The following NTRK2 variants were observed in gnomAD, a reference collection of about 807,000 sequenced individuals.
NTRK2 encodes the protein neurotrophic receptor tyrosine kinase 2, also known as BDNF/NT-3 growth factors receptor.
Under a neutral mutation model 94.5 loss-of-function variants are expected in NTRK2, and 13 were observed. The ratio of observed to expected loss-of-function variants is 0.14; its 90% confidence interval spans 0.09 to 0.22. The LOEUF (loss-of-function observed/expected upper bound fraction) is 0.22. NTRK2 is among the 10% of genes least tolerant of loss of function. NTRK2 has a pLI of 1.00. For synonymous variants in NTRK2, 372 were observed against 407.4 expected (o/e 0.91, Z 1.05); for missense variants, 639 against 1,071.2 (o/e 0.60, Z 5.63).
intron 12 of NTRK2, among the ~76,000 whole-genome samples, chr9:84,796,060 G>A (rs1243737861): frequency 2.6e-5 from 4 of 151,554 alleles, no homozygotes; most frequent in African/African-American, 9.7e-5. Flanking sequence ...CATGAATTGT[G>A]TCACATGGGA....
chr9:84,688,826 C>A (rs867273390), intron 2 of NTRK2, among the ~76,000 whole-genome samples: 1 of 152,152 alleles, frequency 6.6e-6, no homozygotes, highest in Non-Finnish European at 1.5e-5. Context: ...TGTCAGTAGA[C>A]ATGCATAATG....
Position 84,906,757 on chromosome 9 carries a change from AG to A in NTRK2, c.1634-27402del, listed in dbSNP as rs539415075. Among the ~76,000 whole-genome samples the A allele has an allele frequency of 2.0e-4, 31 of 152,284 alleles. No individual in the cohort carries two copies. The East Asian group carries it at 5.4e-3, about 27-fold the overall frequency. On this transcript the variant is annotated intron_variant, in intron 14 of 18. Transcript: ENST00000277120. Reference sequence around the variant, plus strand: ...AGACTGAGGGGATTCTGGGACTGGCAGGGCTGTAAAGGCACTTAGAGATGTT... The same window carrying A: ...AGACTGAGGGGATTCTGGGACTGGCAGGCTGTAAAGGCACTTAGAGATGTT...
rs72239280 is a variant in NTRK2, at chr9:84,891,927, T to TA, written c.1633+24496_1633+24497insA. On this transcript the variant is annotated intron_variant, in intron 14 of 18. Coordinates refer to ENST00000277120, the MANE Select transcript of NTRK2 (RefSeq NM_006180.6). The stretch of plus-strand genomic sequence containing the variant: ...GCATGTGTCACACTAAAACTGGTTT[T>TA]TTTTTTTAAAGAGGTGAACTTAGGC... 4.7e-3 allele frequency among the ~76,000 whole-genome samples: 708 copies of TA among 152,256 alleles called. 12 individuals are homozygous for TA. Among genetic ancestry groups the TA allele is most frequent in the Admixed American group, 0.037 (573 of 15,298 alleles).
chr9:85,024,902 T>C lies in NTRK2; in HGVS notation c.*3465T>C, dbSNP rs549403709. 1 of 233,062 alleles carries C rather than the reference T, an allele frequency of 4.3e-6. No individual in the cohort carries two copies. The highest frequency in any genetic ancestry group is 1.8e-4 in the South Asian group (1 of 5,528). 14.4% of individuals were successfully genotyped at this position (233,062 alleles called of 1,614,324 possible). A position where few individuals can be genotyped will look rare whatever the true frequency, so the allele number is the denominator to read the frequency against. On this transcript the variant is annotated 3_prime_UTR_variant, in exon 19 of 19. Transcript: ENST00000277120. ...CAGCGCTACCTGTGATGTTTTCATG[T>C]ATTTATGTATGTGTTATAAATACTT... is the stretch of plus-strand genomic sequence containing the variant.
chr9:84,877,103 C>G, intron 14 of NTRK2: 1 of 1,064,896 alleles, frequency 9.4e-7, no homozygotes. Flanking sequence ...CTGAATCAAT[C>G]ACACTTTCCT....
At chr9:84,752,999 A>G (rs1251320664) in intron 12 of NTRK2, among the ~76,000 whole-genome samples, 1 of 152,116 alleles carries the variant, frequency 6.6e-6, no homozygotes, top group African/African-American at 2.4e-5. Flanking sequence ...TAATATTGCT[A>G]TTTACTTGAA....
chr9:84,777,166 G>A (rs2067130065), intron 12 of NTRK2, among the ~76,000 whole-genome samples: 1 of 152,128 alleles, frequency 6.6e-6, no homozygotes, highest in Admixed American at 6.5e-5. Flanking sequence ...TTATAGAAAG[G>A]AAACAAGTGG....
intron 13 of NTRK2, 88 bp from the exon 14 acceptor site, chr9:84,867,155 A>G: frequency 3.1e-6 from 4 of 1,276,844 alleles, no homozygotes; most frequent in Admixed American, 1.8e-5. Flanking sequence ...TGAATTGTAT[A>G]CTTTAAATGG....
rs951763165 is a variant in NTRK2, at chr9:84,849,390, C to T, written c.1397-11650C>T. Among the ~76,000 whole-genome samples the T allele has an allele frequency of 2.6e-5, 4 of 152,104 alleles. No individual in the cohort carries two copies. In the South Asian group the frequency reaches 6.2e-4, roughly 24 times the overall value. On this transcript the variant is annotated intron_variant, in intron 12 of 18. Coordinates refer to ENST00000277120, the MANE Select transcript of NTRK2 (RefSeq NM_006180.6). ...ATTGGCAAAAGCAAGCACCATGGAT[C>T]GGTGGGTGGGGGAGTCCAATTATCT...
chr9:84,932,638 G>A (rs17087883), intron 14 of NTRK2, among the ~76,000 whole-genome samples: 9,289 of 152,220 alleles, frequency 0.061, 479 homozygotes, highest in African/African-American at 0.14. Context: ...TGAGTTGCAC[G>A]AGGCATCAGG....
At chr9:84,674,632 A>G (rs1277784875) in intron 2 of NTRK2, among the ~76,000 whole-genome samples, 4 of 152,250 alleles carry the variant, frequency 2.6e-5, no homozygotes, top group South Asian at 4.1e-4. Context: ...GCACGGTTAC[A>G]TAAGCCACAC....
At chr9:84,819,038 C>A (rs550501440) in intron 12 of NTRK2, among the ~76,000 whole-genome samples, 2 of 152,170 alleles carry the variant, frequency 1.3e-5, no homozygotes, top group East Asian at 3.8e-4. Flanking sequence ...CCATCTCACA[C>A]GCTACAAGAC....
At chr9:84,870,033 A>G (rs1204314379) in intron 14 of NTRK2, among the ~76,000 whole-genome samples, 1 of 147,472 alleles carries the variant, frequency 6.8e-6, no homozygotes, top group East Asian at 2.0e-4. Flanking sequence ...CATGTAGATG[A>G]ATCTGTTGGT....
intron 17 of NTRK2, among the ~76,000 whole-genome samples, chr9:84,968,455 G>A (rs1362890248): frequency 6.6e-6 from 1 of 152,146 alleles, no homozygotes; most frequent in East Asian, 1.9e-4. Context: ...CAGAACCATG[G>A]CTTTTTAGAT....
intron 14 of NTRK2, among the ~76,000 whole-genome samples, chr9:84,896,610 T>C (rs2076765975): frequency 6.6e-6 from 1 of 152,244 alleles, no homozygotes; most frequent in South Asian, 2.1e-4. Context: ...AGAGTGTAAG[T>C]GCATTGGAAG....
intron 2 of NTRK2, among the ~76,000 whole-genome samples, chr9:84,684,102 T>A (rs2059563387): frequency 6.6e-6 from 1 of 152,194 alleles, no homozygotes; most frequent in Admixed American, 6.5e-5. Context: ...TAGACCTTTG[T>A]CAGATGTGTA....
chr9:84,920,370 C>T (rs17087869), intron 14 of NTRK2, among the ~76,000 whole-genome samples: 5,579 of 152,082 alleles, frequency 0.037, 136 homozygotes, highest in Admixed American at 0.06. Context: ...CTTGTCCACG[C>T]GGGCGAGACT....
At chr9:84,954,970 C>A (rs1048874637) in intron 16 of NTRK2, among the ~76,000 whole-genome samples, 1 of 152,212 alleles carries the variant, frequency 6.6e-6, no homozygotes, top group Non-Finnish European at 1.5e-5. Flanking sequence ...GAACCCAGCA[C>A]AGTGCCAGAG....
At chr9:84,898,079 A>G (rs1208867493) in intron 14 of NTRK2, among the ~76,000 whole-genome samples, 2 of 148,188 alleles carry the variant, frequency 1.3e-5, no homozygotes, top group Non-Finnish European at 3.0e-5. Context: ...TTTTTCTATG[A>G]TATCTGTAGT....
Sources: gnomAD v4.1 joint callset for allele counts (sites outside exome capture counted in the v4.1 genomes callset) on GRCh38, gnomAD v4.1.1 for gene constraint, MANE v1.5 for transcripts, NCBI Gene and HGNC (gene_info 2026-07-23, HGNC 2026-07-21) for gene names.